The following CTR9 variants were observed in gnomAD, a reference collection of about 807,000 sequenced individuals.
CTR9 encodes the protein CTR9 component of Paf1/RNA polymerase II complex, also known as RNA polymerase-associated protein CTR9 homolog.
Under a neutral mutation model 152.1 loss-of-function variants are expected in CTR9, and 41 were observed. The observed-to-expected ratio is 0.27, with a 90% CI of 0.21 to 0.35. The LOEUF is 0.35. Ranked by LOEUF, CTR9 falls within the 10% of genes least tolerant of loss-of-function variation. CTR9 has a pLI of 1.00. For synonymous variants in CTR9, 476 were observed against 496.2 expected (o/e 0.96, Z 0.54); for missense variants, 917 against 1,424.4 (o/e 0.64, Z 5.73).
At chr11:10,773,713 G>A (rs1210301733) in intron 21 of CTR9, among the ~76,000 whole-genome samples, 2 of 151,946 alleles carry the variant, frequency 1.3e-5, no homozygotes, top group Non-Finnish European at 2.9e-5. Flanking sequence ...CATGGTCCAT[G>A]TCTCTACTAA....
chr11:10,751,744 G>T (rs1299286504), intron 1 of CTR9, among the ~76,000 whole-genome samples: 3 of 152,102 alleles, frequency 2.0e-5, no homozygotes, highest in Admixed American at 6.6e-5. Context: ...ACCAACCCAC[G>T]GGAGCAGAGG....
Position 10,760,183 on chromosome 11 carries a change from T to C in CTR9, c.603T>C (p.Arg201=), listed in dbSNP as rs1296065041. The C allele has an allele frequency of 3.7e-6, 6 of 1,613,498 alleles. No individual in the cohort carries two copies. The highest frequency in any genetic ancestry group is 5.1e-6 in the Non-Finnish European group (6 of 1,179,686). Residue 201 remains arginine, a synonymous_variant, in exon 6 of 25, where the codon CGT becomes CGC. Coordinates refer to ENST00000361367, the MANE Select transcript of CTR9 (RefSeq NM_014633.5). Reference sequence around the variant, plus strand: ...GACTTCATTTTATAGCGGAAGTTCGTTTAGGAATGGGTCATTGCTTTGTGA... The same window carrying C: ...GACTTCATTTTATAGCGGAAGTTCGCTTAGGAATGGGTCATTGCTTTGTGA... ...RTNPGCPAEV[R]LGMGHCFVKL... is the part of the protein sequence containing the mutation.
chr11:10,771,432 A>G (rs1863141408), intron 18 of CTR9, 113 bp from the exon 19 acceptor site: 1 of 661,452 alleles, frequency 1.5e-6, no homozygotes, highest in Admixed American at 2.6e-5. Flanking sequence ...TGTGTAAATC[A>G]GTCAATATGC....
intron 19 of CTR9, among the ~76,000 whole-genome samples, chr11:10,772,073 T>C (rs1362493180): frequency 1.3e-5 from 2 of 152,120 alleles, no homozygotes; most frequent in Non-Finnish European, 2.9e-5. Context: ...AAATTTTTTT[T>C]GGCTGGGCGC....
chr11:10,762,652 GT>G (rs1443913952), intron 7 of CTR9, among the ~76,000 whole-genome samples: 1 of 152,156 alleles, frequency 6.6e-6, no homozygotes, highest in African/African-American at 2.4e-5. Flanking sequence ...TGTTAATCAT[GT>G]TGTATTTTTT....
rs372839257 is a variant in CTR9, at chr11:10,775,214, A to G, written c.2893A>G (p.Lys965Glu). Reference protein sequence around the residue: ...RKKKKRRRHPKGEEGSDDDET... With the variant: ...RKKKKRRRHPEGEEGSDDDET... ...TGGTGTTCACTATTTAAGACATCCA[A>G]AGGGAGAAGAAGGATCTGATGATGA... is the stretch of plus-strand genomic sequence containing the variant. The change falls in exon 23 of 25, where the codon AAG becomes GAG. Residue 965 changes from lysine to glutamate, a missense_variant. Transcript: ENST00000361367. 8 of 1,613,690 alleles carry G rather than the reference A, an allele frequency of 5.0e-6. No individual in the cohort carries two copies. The African/African-American group carries it at 5.3e-5, about 11-fold the overall frequency.
intron 1 of CTR9, among the ~76,000 whole-genome samples, chr11:10,752,080 A>G (rs892680164): frequency 6.6e-6 from 1 of 152,094 alleles, no homozygotes; most frequent in South Asian, 2.1e-4. Context: ...GTCTTCTTGT[A>G]TATCTTTTAT....
At chr11:10,774,263 A>G in intron 22 of CTR9, 94 bp downstream of exon 22, 1 of 1,437,008 alleles carries the variant, frequency 7.0e-7, no homozygotes, top group Non-Finnish European at 9.3e-7. Flanking sequence ...ATTGATGAAC[A>G]CTTGATCCAA....
rs983421461 is a variant in CTR9 at position 10,774,686 on chromosome 11, T to C, written c.2885+517T>C. 3.9e-5 allele frequency among the ~76,000 whole-genome samples: 6 copies of C among 152,332 alleles called. No homozygotes were observed. In the East Asian group the frequency reaches 1.2e-3, roughly 29 times the overall value. ...TGCGGAGGTGCCTCCTAAGCTACTT[T>C]GGCCCTCTCTTGTTGTGCTATCCTG... On this transcript the variant is annotated intron_variant, in intron 22 of 24. Coordinates refer to ENST00000361367, the MANE Select transcript of CTR9 (RefSeq NM_014633.5).
intron 18 of CTR9, among the ~76,000 whole-genome samples, chr11:10,771,270 C>G (rs1396514925): frequency 5.3e-5 from 8 of 152,224 alleles, no homozygotes; most frequent in Non-Finnish European, 4.4e-5. Flanking sequence ...GCCCCGTAAC[C>G]TCCATCCTGA....
At chr11:10,756,604 A>G in intron 4 of CTR9, 145 bp from the exon 5 acceptor site, 1 of 544,206 alleles carries the variant, frequency 1.8e-6, no homozygotes, top group Non-Finnish European at 3.1e-6. Flanking sequence ...TTTTATGAAA[A>G]ACAAATTTTT....
chr11:10,758,182 C>T lies in CTR9; in HGVS notation c.592+1344C>T, dbSNP rs115369340. On this transcript the variant is annotated intron_variant, in intron 5 of 24. Transcript: ENST00000361367. Reference sequence around the variant, plus strand: ...ATTGTAAGGACTTTAGTTTTTACATCGACAGAGATGGGAAGCCATTGGAGG... The same window carrying T: ...ATTGTAAGGACTTTAGTTTTTACATTGACAGAGATGGGAAGCCATTGGAGG... 7.7e-3 allele frequency among the ~76,000 whole-genome samples: 1,179 copies of T among 152,176 alleles called. 18 individuals are homozygous for T. The highest frequency in any genetic ancestry group is 0.027 in the African/African-American group (1,126 of 41,506).
At chr11:10,771,424 T>G (rs1590025545) in intron 18 of CTR9, 121 bp from the exon 19 acceptor site, 1 of 623,314 alleles carries the variant, frequency 1.6e-6, no homozygotes, top group Non-Finnish European at 2.8e-6. Flanking sequence ...CATAAATTTG[T>G]GTAAATCAGT....
In CTR9 at chr11:10,760,137, C is replaced by T. The variant is rs551608795; in HGVS notation, c.593-36C>T. On this transcript the variant is annotated intron_variant, in intron 5 of 24. Transcript: ENST00000361367. ...TTTTGTAATTGAACTCTAAAAAATG[C>T]CCTAGTTTGATAGATTGAATGACTT... 43 of 1,598,826 alleles carry T rather than the reference C, an allele frequency of 2.7e-5. No homozygotes were observed. In the African/African-American group the frequency reaches 4.8e-4, roughly 18 times the overall value.
rs1863029823 is a variant in CTR9, at chr11:10,764,577, A to C, written c.1443A>C (p.Ala481=). Residue 481 remains alanine, a synonymous_variant, in exon 12 of 25, where the codon GCA becomes GCC. Transcript: ENST00000361367. Reference sequence around the variant, plus strand: ...ATTTTTTGGCGTCATTGGACCGTGCAAAAGCAGAAGCGGAACACGATGAGC... The same window carrying C: ...ATTTTTTGGCGTCATTGGACCGTGCCAAAGCAGAAGCGGAACACGATGAGC... The part of the protein sequence containing the change: ...KKYFLASLDR[A]KAEAEHDEHY... 1 of 1,611,960 alleles carries C rather than the reference A, an allele frequency of 6.2e-7. No individual in the cohort carries two copies. Among genetic ancestry groups the C allele is most frequent in the Non-Finnish European group, 8.5e-7 (1 of 1,178,378 alleles).
At position 10,760,269 on chromosome 11, in the gene CTR9, A is replaced by G. The variant is rs1445407480; in HGVS notation, c.689A>G (p.Lys230Arg). 1.2e-6 allele frequency: 2 copies of G among 1,614,124 alleles called. No individual in the cohort carries two copies. Among genetic ancestry groups the G allele is most frequent in the South Asian group, 2.2e-5 (2 of 91,080 alleles). Reference protein sequence around the residue: ...AFSRALELNSKCVGALVGLAV... With the variant: ...AFSRALELNSRCVGALVGLAV... The stretch of plus-strand genomic sequence containing the variant: ...AGCAGAGCCCTGGAACTCAATTCCA[A>G]ATGCGTGGGAGCATTGGTTGGACTG... Residue 230 changes from lysine (K) to arginine (R), a missense_variant, in exon 6 of 25, where the codon AAA becomes AGA. Coordinates refer to ENST00000361367, the MANE Select transcript of CTR9 (RefSeq NM_014633.5).
intron 16 of CTR9, among the ~76,000 whole-genome samples, chr11:10,769,513 CAG>C (rs1417488735): frequency 6.6e-6 from 1 of 152,126 alleles, no homozygotes; most frequent in Non-Finnish European, 1.5e-5. Flanking sequence ...TCAATAATCA[CAG>C]AAACTCACAG....
In CTR9 at chr11:10,778,742, C is replaced by T. The variant is rs1229042009; in HGVS notation, c.3159C>T (p.Ala1053=). Residue 1053 remains alanine, a synonymous_variant, in exon 25 of 25, where the codon GCC becomes GCT. Coordinates refer to ENST00000361367, the MANE Select transcript of CTR9 (RefSeq NM_014633.5). ...SDEDEQRKKC[A]SSESDSDENQ... ...AGGACGAACAACGAAAGAAATGTGC[C>T]TCATCAGAGAGTGATTCCGATGAGA... 2 of 1,614,132 alleles carry T rather than the reference C, an allele frequency of 1.2e-6. No individual in the cohort carries two copies. The highest frequency in any genetic ancestry group is 4.5e-5 in the East Asian group (2 of 44,888).
intron 1 of CTR9, 146 bp downstream of exon 1, chr11:10,751,603 C>T (rs1862803210): frequency 1.3e-6 from 1 of 784,960 alleles, no homozygotes; most frequent in Non-Finnish European, 2.1e-6. Context: ...TGATCATCAT[C>T]TTCTTCAGCC....
Sources: allele counts gnomAD v4.1 joint callset (sites outside exome capture counted in the v4.1 genomes callset), GRCh38; gene constraint gnomAD v4.1.1; transcripts MANE v1.5; gene names NCBI Gene and HGNC (gene_info 2026-07-23, HGNC 2026-07-21).